Variants in SMYD5 observed in about 807,000 individuals in gnomAD.
SMYD5 encodes protein-lysine N-trimethyltransferase SMYD5.
Under a neutral mutation model 57.4 loss-of-function variants are expected in SMYD5, and 35 were observed. The ratio of observed to expected loss-of-function variants is 0.61; its 90% CI spans 0.47 to 0.81. SMYD5 has a LOEUF of 0.81. Among genes scored for constraint, SMYD5 ranks in the 30% least tolerant of loss-of-function variants. The pLI, the probability that SMYD5 is intolerant of heterozygous loss-of-function variation, is 0.00. For synonymous variants in SMYD5, 198 were observed against 189.7 expected (o/e 1.04, Z -0.36); for missense variants, 471 against 527.9 (o/e 0.89, Z 1.06).
At position 73,221,849 on chromosome 2, in the gene SMYD5, CAGACT is replaced by C; in HGVS notation, c.562_566del (p.Arg188LeufsTer6). The C allele has an allele frequency of 6.2e-7, 1 of 1,613,748 alleles. No individual in the cohort carries two copies. Among genetic ancestry groups the C allele is most frequent in the Non-Finnish European group, 8.5e-7 (1 of 1,179,686 alleles). ...AGGCGAAGGACAAGGACCGTTGGAT[CAGACT>C]CTTTTCCCAGTTTTGTAACAAAACA... is the stretch of plus-strand genomic sequence containing the variant. On this transcript the variant is annotated frameshift_variant, in exon 6 of 13. Coordinates refer to ENST00000389501, the MANE Select transcript of SMYD5 (RefSeq NM_006062.3). LOFTEE classifies it high-confidence loss of function.
rs769658721 is a variant in SMYD5, at chr2:73,220,738, G to C, written c.423G>C (p.Gln141His). ...YHQVLCPGPS[Q>H]DDPLHPLNKL... is the part of the protein sequence containing the mutation. ...AGGTCCTGTGCCCAGGCCCCTCCCA[G>C]GATGACCCCTTGCATCCTCTCAATA... Residue 141 changes from glutamine to histidine, a missense_variant, in exon 4 of 13, where the codon CAG becomes CAC. Gln to His is a conservative substitution (Grantham distance 24). Coordinates refer to ENST00000389501, the MANE Select transcript of SMYD5 (RefSeq NM_006062.3). 6.2e-7 allele frequency: 1 copy of C among 1,614,038 alleles called. No homozygotes were observed. Among genetic ancestry groups the C allele is most frequent in the Non-Finnish European group, 8.5e-7 (1 of 1,179,992 alleles).
rs191463887 is a variant in SMYD5 at position 73,214,750 on chromosome 2, G to A, written c.96+388G>A. The A allele has an allele frequency of 2.4e-5, 32 of 1,323,214 alleles. No homozygotes were observed. In the East Asian group the frequency reaches 1.5e-3, roughly 61 times the overall value. The allele number at this position is 1,323,214 out of a possible 1,614,324, so 82.0% of individuals were successfully genotyped here. A position where few individuals can be genotyped will look rare whatever the true frequency, so the allele number is the denominator to read the frequency against. ...CACGAACTTCATGTGTGAGATTTGG[G>A]TGAGGGGATGAGGAGAGAGGCCAAG... On this transcript the variant is annotated intron_variant, in intron 1 of 12. Coordinates refer to ENST00000389501, the MANE Select transcript of SMYD5 (RefSeq NM_006062.3).
intron 2 of SMYD5, 68 bp downstream of exon 2, chr2:73,219,037 C>T: frequency 4.4e-6 from 5 of 1,141,860 alleles, no homozygotes; most frequent in Non-Finnish European, 6.7e-6. Context: ...TGCATACATC[C>T]CTACTGGCTG....
At position 73,225,659 on chromosome 2, in the gene SMYD5, G is replaced by A. The variant is rs562039812; in HGVS notation, c.1064G>A (p.Cys355Tyr). 67 of 1,614,218 alleles carry A rather than the reference G, an allele frequency of 4.2e-5. 1 individual carries two copies. In the South Asian group the frequency reaches 6.5e-4, roughly 16 times the overall value. ...ATTTGTATCAGCTACTTGGACTGCT[G>A]TCAGCGGGAGCGCAGCCGCCACAGC... is the stretch of plus-strand genomic sequence containing the variant. The part of the protein sequence containing the change: ...EEICISYLDC[C>Y]QRERSRHSRH... The change falls in exon 12 of 13, where the codon TGT becomes TAT. Residue 355 changes from cysteine (C) to tyrosine (Y), a missense_variant. Transcript: ENST00000389501.
Position 73,223,217 on chromosome 2 carries a change from C to T in SMYD5, c.776+111C>T. On this transcript the variant is annotated intron_variant, in intron 8 of 12. Coordinates refer to ENST00000389501, the MANE Select transcript of SMYD5 (RefSeq NM_006062.3). ...GGGTAGGGTGGGACTCTGGACAGAT[C>T]ACTGAACTGGACACAGTGGTGGGAA... is the stretch of plus-strand genomic sequence containing the variant. The T allele has an allele frequency of 3.1e-6, 3 of 956,066 alleles. No homozygotes were observed. The South Asian group carries it at 4.0e-5, about 13-fold the overall frequency. The allele number at this position is 956,066 out of a possible 1,614,324, so 59.2% of individuals were successfully genotyped here.
intron 9 of SMYD5, 55 bp from the exon 10 acceptor site, chr2:73,223,892 C>G (rs1245016162): frequency 1.3e-6 from 2 of 1,561,294 alleles, no homozygotes; most frequent in East Asian, 2.2e-5. Context: ...GCCTCGTTTC[C>G]TTTTCCTGCC....
At chr2:73,214,622 T>C (rs1205960566) in intron 1 of SMYD5, 1 of 1,497,270 alleles carries the variant, frequency 6.7e-7, no homozygotes, top group South Asian at 1.2e-5. Context: ...GGCCCTTCTG[T>C]GGCTGCTCGG....
In SMYD5 at chr2:73,220,210, G is replaced by A. The variant is rs745533318; in HGVS notation, c.345+20G>A. 17 of 1,611,986 alleles carry A rather than the reference G, an allele frequency of 1.1e-5. No individual in the cohort carries two copies. Among genetic ancestry groups the A allele is most frequent in the Non-Finnish European group, 1.4e-5 (16 of 1,178,456 alleles). ...TGCCAAGTGAGTATTCTTGGGGAGT[G>A]TACCTGGAAGGGGGTGGGTGAGGGA... On this transcript the variant is annotated intron_variant, in intron 3 of 12. Transcript: ENST00000389501.
chr2:73,223,401 C>A (rs1686435279), intron 8 of SMYD5, 25 bp from the exon 9 acceptor site: 8 of 1,545,916 alleles, frequency 5.2e-6, no homozygotes, highest in Admixed American at 1.7e-5. Flanking sequence ...GCCTCCCCAA[C>A]CATGGGCTGC....
chr2:73,215,703 T>C (rs182153840), intron 1 of SMYD5, among the ~76,000 whole-genome samples: 1 of 152,176 alleles, frequency 6.6e-6, no homozygotes, highest in African/African-American at 2.4e-5. Flanking sequence ...CTTCAGCCAC[T>C]CTCCTTGCAC....
In SMYD5 at chr2:73,218,841, C is replaced by T; in HGVS notation, c.97-20C>T. On this transcript the variant is annotated intron_variant, in intron 1 of 12. Coordinates refer to ENST00000389501, the MANE Select transcript of SMYD5 (RefSeq NM_006062.3). ...TCTTCTGTTCCTTTTTATGGCCATC[C>T]TATCCCTCTGCCCTCTCAGGGAAAG... The T allele has an allele frequency of 1.3e-6, 2 of 1,581,156 alleles. No homozygotes were observed. The highest frequency in any genetic ancestry group is 2.2e-5 in the East Asian group (1 of 44,700).
intron 10 of SMYD5, 138 bp downstream of exon 10, chr2:73,224,141 C>A: frequency 1.3e-6 from 1 of 743,608 alleles, no homozygotes; most frequent in Non-Finnish European, 2.4e-6. Context: ...TAGGTCTGAG[C>A]TCCCACAGGA....
intron 1 of SMYD5, among the ~76,000 whole-genome samples, chr2:73,217,009 T>C (rs1686305061): frequency 6.6e-6 from 1 of 151,892 alleles, no homozygotes; most frequent in Non-Finnish European, 1.5e-5. Flanking sequence ...TATAGTGCAG[T>C]AGTACAATCT....
intron 6 of SMYD5, among the ~76,000 whole-genome samples, chr2:73,222,201 A>C (rs190576058): frequency 9.8e-5 from 15 of 152,356 alleles, no homozygotes; most frequent in African/African-American, 2.4e-4. Context: ...GTTAGAAGGC[A>C]GGACTCGTCA....
chr2:73,214,727 C>G, intron 1 of SMYD5: 2 of 1,341,688 alleles, frequency 1.5e-6, no homozygotes, highest in South Asian at 1.2e-5. Flanking sequence ...GGAGTCCTCA[C>G]GAACTTCATG....
At chr2:73,219,464 C>A (rs1404046416) in intron 2 of SMYD5, among the ~76,000 whole-genome samples, 1 of 152,184 alleles carries the variant, frequency 6.6e-6, no homozygotes, top group South Asian at 2.1e-4. Flanking sequence ...TCTCTGCAAC[C>A]TCTGCCTCCT....
chr2:73,221,024 T>C, intron 4 of SMYD5, 141 bp from the exon 5 acceptor site: 1 of 851,706 alleles, frequency 1.2e-6, no homozygotes, highest in Admixed American at 2.2e-5. Flanking sequence ...ATGCAAAGTC[T>C]TGCCTAAGTC....
At position 73,225,993 on chromosome 2, in the gene SMYD5, G is replaced by C; in HGVS notation, c.*47G>C. On this transcript the variant is annotated 3_prime_UTR_variant, in exon 13 of 13. Coordinates refer to ENST00000389501, the MANE Select transcript of SMYD5 (RefSeq NM_006062.3). ...CCCTGCCCTAGACCCTGCCAGAAAA[G>C]GGGGCTCTTCCCCCAGAGAAGTGGC... 1 of 1,552,900 alleles carries C rather than the reference G, an allele frequency of 6.4e-7. No individual in the cohort carries two copies. Among genetic ancestry groups the C allele is most frequent in the Non-Finnish European group, 8.7e-7 (1 of 1,150,806 alleles).
intron 7 of SMYD5, 92 bp from the exon 8 acceptor site, chr2:73,222,944 C>A (rs980134829): frequency 2.0e-6 from 3 of 1,480,302 alleles, no homozygotes; most frequent in Non-Finnish European, 1.9e-6. Context: ...TTCAGATGAG[C>A]CTGACTCACA....
Sources: allele counts gnomAD v4.1 joint callset (sites outside exome capture counted in the v4.1 genomes callset), GRCh38; gene constraint gnomAD v4.1.1; transcripts MANE v1.5; gene names NCBI Gene and HGNC (gene_info 2026-07-23, HGNC 2026-07-21).